Variants in TRPC3 observed in about 807,000 individuals in gnomAD.
TRPC3 encodes short transient receptor potential channel 3.
Under a neutral mutation model 90.9 loss-of-function variants are expected in TRPC3, and 54 were observed. The observed-to-expected ratio is 0.59, with a 90% CI of 0.48 to 0.75. The LOEUF is 0.75. Among genes scored for constraint, TRPC3 ranks in the 30% least tolerant of loss-of-function variants. TRPC3 has a pLI of 0.00. For missense variants in TRPC3, 918 were observed against 1,194.5 expected (o/e 0.77, Z 3.41); for synonymous variants, 424 against 450.9 (o/e 0.94, Z 0.75).
chr4:121,934,985 T>C (rs3811744), intron 1 of TRPC3, among the ~76,000 whole-genome samples: 1 of 152,182 alleles, frequency 6.6e-6, no homozygotes, highest in Non-Finnish European at 1.5e-5. Flanking sequence ...AATAAACATA[T>C]TTGTTTTATA....
intron 10 of TRPC3, among the ~76,000 whole-genome samples, chr4:121,892,892 A>C (rs2149110382): frequency 1.3e-5 from 2 of 152,152 alleles, no homozygotes; most frequent in African/African-American, 4.8e-5. Context: ...AGGCTGAGGC[A>C]AGTGGATCAC....
At chr4:121,950,314 G>A (rs1730669758) in intron 1 of TRPC3, among the ~76,000 whole-genome samples, 1 of 152,238 alleles carries the variant, frequency 6.6e-6, no homozygotes, top group East Asian at 1.9e-4. Flanking sequence ...GGGTCATCCC[G>A]GAGGTCTCGG....
intron 2 of TRPC3, among the ~76,000 whole-genome samples, chr4:121,927,336 T>A (rs1459436421): frequency 6.6e-6 from 1 of 152,220 alleles, no homozygotes; most frequent in Admixed American, 6.5e-5. Flanking sequence ...AAGGTGTCAA[T>A]GACCATCTCC....
At chr4:121,926,461 C>T (rs1379832699) in intron 2 of TRPC3, among the ~76,000 whole-genome samples, 2 of 150,024 alleles carry the variant, frequency 1.3e-5, no homozygotes, top group African/African-American at 4.9e-5. Flanking sequence ...GGCTGGAGTA[C>T]AGTGGCACGA....
Position 121,901,638 on chromosome 4 carries a change from C to T in TRPC3, c.2463+1214G>A, listed in dbSNP as rs768914075. On this transcript the variant is annotated intron_variant, in intron 9 of 11. Transcript: ENST00000379645. The stretch of plus-strand genomic sequence containing the variant: ...GGAAGGGCACTGATATTTGTTGAGG[C>T]TGGAATTTTGTAGATCTCATGTAAT... Among the ~76,000 whole-genome samples the T allele has an allele frequency of 8.8e-4, 134 of 152,302 alleles. 2 individuals are homozygous for T. Among genetic ancestry groups the T allele is most frequent in the Non-Finnish European group, 1.7e-3 (115 of 68,012 alleles).
chr4:121,888,229 G>C (rs1406700172), intron 10 of TRPC3, among the ~76,000 whole-genome samples: 1 of 152,094 alleles, frequency 6.6e-6, no homozygotes, highest in African/African-American at 2.4e-5. Flanking sequence ...TGTCTTTGAA[G>C]AAATTGTTTT....
chr4:121,908,749 A>G (rs1428062449), intron 6 of TRPC3, among the ~76,000 whole-genome samples: 1 of 152,150 alleles, frequency 6.6e-6, no homozygotes, highest in Non-Finnish European at 1.5e-5. Flanking sequence ...AAGGGTTGAA[A>G]AACATCTATT....
Position 121,929,842 on chromosome 4 carries a change from A to G in TRPC3, c.987+2429T>C, listed in dbSNP as rs892100410. Among the ~76,000 whole-genome samples, 64 of 151,968 alleles carry G rather than the reference A, an allele frequency of 4.2e-4. 4 individuals are homozygous for G. The highest frequency in any genetic ancestry group is 4.4e-5 in the Non-Finnish European group (3 of 68,010). ...TATAGGTGTCTTAAAAGGAAAAAAA[A>G]TCACCTCTTTTTCACTAGGAAAAAA... is the stretch of plus-strand genomic sequence containing the variant. On this transcript the variant is annotated intron_variant, in intron 2 of 11. Transcript: ENST00000379645.
intron 7 of TRPC3, among the ~76,000 whole-genome samples, chr4:121,906,220 A>G (rs766171611): frequency 2.0e-5 from 3 of 152,178 alleles, no homozygotes; most frequent in Non-Finnish European, 4.4e-5. Flanking sequence ...ACCAAAAGCC[A>G]CAGCTAGAAA....
rs1246221194 is a variant in TRPC3 at position 121,911,932 on chromosome 4, C to G, written c.1503G>C (p.Arg501Ser). The G allele has an allele frequency of 6.2e-7, 1 of 1,613,460 alleles. No individual in the cohort carries two copies. The highest frequency in any genetic ancestry group is 8.5e-7 in the Non-Finnish European group (1 of 1,179,748). The change falls in exon 5 of 12, where the codon AGG becomes AGC. Residue 501 changes from arginine (R) to serine (S), a missense_variant. Transcript: ENST00000379645. ...TVTDYPKQIF[R>S]VKTTQFTWTE... ...TCCATGTAAACTGGGTGGTTTTCAC[C>G]CTGAAGATCTGTTTGGGATAGTCAG... is the stretch of plus-strand genomic sequence containing the variant.
At chr4:121,905,504 T>C (rs1728850828) in intron 7 of TRPC3, among the ~76,000 whole-genome samples, 1 of 152,148 alleles carries the variant, frequency 6.6e-6, no homozygotes, top group Admixed American at 6.6e-5. Flanking sequence ...CCTAAGTTCG[T>C]CCCTTAAATC....
chr4:121,903,809 A>T lies in TRPC3; in HGVS notation c.2253+513T>A, dbSNP rs930061826. 3.3e-5 allele frequency among the ~76,000 whole-genome samples: 5 copies of T among 152,290 alleles called. No homozygotes were observed. In the South Asian group the frequency reaches 6.2e-4, roughly 19 times the overall value. ...GATTTGGTGGAGTTAACAAACTGCA[A>T]AGCACTAAAAAGATACTGAAAACTG... is the stretch of plus-strand genomic sequence containing the variant. On this transcript the variant is annotated intron_variant, in intron 8 of 11. Coordinates refer to ENST00000379645, the MANE Select transcript of TRPC3 (RefSeq NM_001130698.2).
intron 3 of TRPC3, among the ~76,000 whole-genome samples, chr4:121,923,363 G>A (rs1729593043): frequency 1.3e-5 from 2 of 152,128 alleles, no homozygotes; most frequent in African/African-American, 4.8e-5. Context: ...CTCCTCTTAG[G>A]ATTCTGTGAG....
intron 1 of TRPC3, among the ~76,000 whole-genome samples, chr4:121,941,910 T>C (rs1418193494): frequency 6.6e-6 from 1 of 152,150 alleles, no homozygotes; most frequent in Non-Finnish European, 1.5e-5. Flanking sequence ...TAGGGAAAGC[T>C]AGCCCATCAC....
At chr4:121,895,314 C>T (rs1489500222) in intron 10 of TRPC3, among the ~76,000 whole-genome samples, 1 of 150,782 alleles carries the variant, frequency 6.6e-6, no homozygotes, top group Non-Finnish European at 1.5e-5. Context: ...AAATCAAACC[C>T]CAAATTGGTA....
In TRPC3 at chr4:121,891,143, C is replaced by T. The variant is rs1024168243; in HGVS notation, c.2547+8469G>A. 2.0e-5 allele frequency among the ~76,000 whole-genome samples: 3 copies of T among 152,226 alleles called. No individual in the cohort carries two copies. In the South Asian group the frequency reaches 6.2e-4, roughly 32 times the overall value. ...CCTCCGGTCAACTATATGAGGAAAACAATCAGGCTGGCCTCAAACTCTTCC... is the reference window on the plus strand; with the variant it reads ...CCTCCGGTCAACTATATGAGGAAAATAATCAGGCTGGCCTCAAACTCTTCC... On this transcript the variant is annotated intron_variant, in intron 10 of 11. Coordinates refer to ENST00000379645, the MANE Select transcript of TRPC3 (RefSeq NM_001130698.2).
At chr4:121,940,557 CA>C (rs902672363) in intron 1 of TRPC3, among the ~76,000 whole-genome samples, 1 of 152,122 alleles carries the variant, frequency 6.6e-6, no homozygotes, top group African/African-American at 2.4e-5. Context: ...TGCTCTTTGC[CA>C]ATTCAAATCC....
chr4:121,911,836 C>T (rs761142790), intron 5 of TRPC3, 41 bp downstream of exon 5: 3 of 1,530,424 alleles, frequency 2.0e-6, no homozygotes, highest in Admixed American at 1.9e-5. Context: ...TCTATAATTA[C>T]CTTTTGGTAG....
chr4:121,882,386 T>C lies in TRPC3; in HGVS notation c.2591A>G (p.Gln864Arg), dbSNP rs1727973729. The change falls in exon 11 of 12, where the codon CAA (glutamine) becomes CGA (arginine). Residue 864 changes from glutamine to arginine, a missense_variant. Gln to Arg is a conservative substitution (Grantham distance 43). Transcript: ENST00000379645. ...RLIKRYVLKA[Q>R]VDKENDEVNE... ...AACTTCATCATTTTCTTTGTCTACT[T>C]GTGCTTTCAAAACATACCGCTTTAT... 6.2e-7 allele frequency: 1 copy of C among 1,610,558 alleles called. No homozygotes were observed. Among genetic ancestry groups the C allele is most frequent in the Admixed American group, 1.7e-5 (1 of 59,710 alleles).
Sources: allele counts gnomAD v4.1 joint callset (sites outside exome capture counted in the v4.1 genomes callset), GRCh38; gene constraint gnomAD v4.1.1; transcripts MANE v1.5; gene names NCBI Gene and HGNC (gene_info 2026-07-23, HGNC 2026-07-21).